The following CCDC88C variants were observed in gnomAD, a reference collection of about 807,000 sequenced individuals.
CCDC88C encodes coiled-coil and HOOK domain protein 88C, also known as protein Daple.
In CCDC88C, 131 loss-of-function variants were observed where a neutral mutation model predicts 198.8. That is an observed-to-expected ratio of 0.66 (90% confidence interval 0.57 to 0.76). The LOEUF (loss-of-function observed/expected upper bound fraction) is 0.76, where lower values mean the gene tolerates loss of function less well. Ranked by LOEUF, CCDC88C falls within the 30% of genes least tolerant of loss-of-function variation. The pLI, the probability that CCDC88C is intolerant of heterozygous loss-of-function variation, is 0.00. For synonymous variants in CCDC88C, 1,166 were observed against 1,114.7 expected, an observed-to-expected ratio of 1.05 and a Z score of -0.92; for missense variants, 2,553 against 2,631.6, an observed-to-expected ratio of 0.97 and a Z score of 0.65.
intron 3 of CCDC88C, among the ~76,000 whole-genome samples, chr14:91,366,153 TACACACACACACACACACAC>T (rs57281083): frequency 0.028 from 3,779 of 136,454 alleles, 175 homozygotes; most frequent in African/African-American, 0.095. Flanking sequence ...ACTTAAAAAA[TACACACACACACACACACAC>T]ACACACACAC....
intron 20 of CCDC88C, among the ~76,000 whole-genome samples, chr14:91,302,449 A>T (rs1266761640): frequency 6.6e-6 from 1 of 152,142 alleles, no homozygotes; most frequent in Non-Finnish European, 1.5e-5. Context: ...TACCTCTCCT[A>T]GCCCTCCCTG....
At chr14:91,323,540 ACGATGC>A (rs1892445220) in intron 12 of CCDC88C, among the ~76,000 whole-genome samples, 1 of 152,210 alleles carries the variant, frequency 6.6e-6, no homozygotes, top group Admixed American at 6.5e-5. Context: ...CTTTGCTTGC[ACGATGC>A]CATCATTCTA....
At chr14:91,320,050 A>AG (rs1892292722) in intron 13 of CCDC88C, among the ~76,000 whole-genome samples, 1 of 151,392 alleles carries the variant, frequency 6.6e-6, no homozygotes, top group African/African-American at 2.4e-5. Context: ...AAAAAAAAAA[A>AG]AAGAAATGTG....
At chr14:91,374,277 T>C (rs1894973938) in intron 3 of CCDC88C, among the ~76,000 whole-genome samples, 1 of 152,260 alleles carries the variant, frequency 6.6e-6, no homozygotes, top group Non-Finnish European at 1.5e-5. Flanking sequence ...CTGTGTCTAT[T>C]ACCTCTCATC....
intron 4 of CCDC88C, among the ~76,000 whole-genome samples, chr14:91,346,117 C>T (rs1048403793): frequency 1.3e-5 from 2 of 152,226 alleles, no homozygotes; most frequent in Non-Finnish European, 2.9e-5. Flanking sequence ...ACCAATGCTG[C>T]GGTTCATTTC....
intron 4 of CCDC88C, among the ~76,000 whole-genome samples, chr14:91,354,003 T>A (rs1304487079): frequency 6.6e-6 from 1 of 152,150 alleles, no homozygotes; most frequent in Non-Finnish European, 1.5e-5. Flanking sequence ...AAAGTAACCA[T>A]CTGTGCAATT....
At chr14:91,306,919 T>C (rs1282587846) in intron 18 of CCDC88C, 119 bp downstream of exon 18, 4 of 1,127,460 alleles carry the variant, frequency 3.5e-6, no homozygotes, top group Non-Finnish European at 4.9e-6. Flanking sequence ...CGTGTCCAAC[T>C]AGATCTGGCT....
At chr14:91,410,187 A>G (rs1596173710) in intron 2 of CCDC88C, among the ~76,000 whole-genome samples, 1 of 152,354 alleles carries the variant, frequency 6.6e-6, no homozygotes, top group East Asian at 1.9e-4. Context: ...AGCACTCAGC[A>G]TTACTGAGTT....
intron 3 of CCDC88C, among the ~76,000 whole-genome samples, chr14:91,378,344 A>C (rs977624802): frequency 6.6e-6 from 1 of 152,206 alleles, no homozygotes; most frequent in Non-Finnish European, 1.5e-5. Context: ...ACGCCAGGCC[A>C]TCACAGCCTC....
Position 91,294,256 on chromosome 14 carries a change from C to A in CCDC88C, c.4029G>T (p.Gln1343His), listed in dbSNP as rs1210402671. The part of the protein sequence containing the change: ...EENHHLLSQI[Q>H]LLSQQNQMLL... ...GCATCTGGTTCTGCTGGCTCAACAG[C>A]TGGATCTGGCTCAGGAGGTGATGAT... Residue 1343 changes from glutamine (Q) to histidine (H), a missense_variant, in exon 23 of 30, where the codon CAG (glutamine) becomes CAT (histidine). Gln to His is a conservative substitution (Grantham distance 24). This residue lies in a region of CCDC88C where 1,293 missense variants were observed against 1,219.6 expected (regional missense o/e 1.06). Transcript: ENST00000389857. The A allele has an allele frequency of 6.2e-7, 1 of 1,614,024 alleles. No homozygotes were observed. Among genetic ancestry groups the A allele is most frequent in the South Asian group, 1.1e-5 (1 of 91,088 alleles).
At chr14:91,304,859 T>C (rs1347984411) in intron 19 of CCDC88C, among the ~76,000 whole-genome samples, 1 of 152,254 alleles carries the variant, frequency 6.6e-6, no homozygotes, top group East Asian at 1.9e-4. Context: ...ATTTTCTTGT[T>C]ACCAGAACAA....
chr14:91,416,043 A>G (rs1887029192), intron 2 of CCDC88C, among the ~76,000 whole-genome samples: 1 of 152,248 alleles, frequency 6.6e-6, no homozygotes, highest in South Asian at 2.1e-4. Context: ...ATGCAAAGGT[A>G]GAAGCCAACA....
chr14:91,339,480 G>A lies in CCDC88C; in HGVS notation c.625-18C>T, dbSNP rs560311817. The A allele has an allele frequency of 4.0e-5, 63 of 1,594,284 alleles. No homozygotes were observed. The highest frequency in any genetic ancestry group is 3.8e-4 in the East Asian group (17 of 44,344). ...ACGATCAGCTGCAGCCGGGCAGAGA[G>A]GGGGATGGAGGAGAACAAACGGGGT... On this transcript the variant is annotated intron_variant, in intron 7 of 29. Transcript: ENST00000389857. This position sits in a 1 kb window ranked among gnomAD's most constrained non-coding sequence, Gnocchi z 5.8.
chr14:91,349,554 A>G (rs1283882561), intron 4 of CCDC88C, among the ~76,000 whole-genome samples: 2 of 152,236 alleles, frequency 1.3e-5, no homozygotes, highest in African/African-American at 4.8e-5. Context: ...ATCGAGAAAC[A>G]TCAGACCGGA....
Position 91,392,572 on chromosome 14 carries a change from C to T in CCDC88C, c.270+16087G>A, listed in dbSNP as rs1293580510. Among the ~76,000 whole-genome samples the T allele has an allele frequency of 3.9e-5, 6 of 152,214 alleles. No homozygotes were observed. The South Asian group carries it at 8.3e-4, about 21-fold the overall frequency. Reference sequence around the variant, plus strand: ...AATCAATTTACCTCATCTTTTAAACCCAGAGCCGATAATAACCCAGGGTTT... The same window carrying T: ...AATCAATTTACCTCATCTTTTAAACTCAGAGCCGATAATAACCCAGGGTTT... On this transcript the variant is annotated intron_variant, in intron 3 of 29. Transcript: ENST00000389857.
At chr14:91,277,123 C>T (rs1439762757) in intron 29 of CCDC88C, among the ~76,000 whole-genome samples, 1 of 152,210 alleles carries the variant, frequency 6.6e-6, no homozygotes, top group Non-Finnish European at 1.5e-5. Context: ...GCACCTGCCA[C>T]AAGGCCCGGC....
At chr14:91,350,831 A>G (rs905467933) in intron 4 of CCDC88C, among the ~76,000 whole-genome samples, 5 of 152,160 alleles carry the variant, frequency 3.3e-5, no homozygotes, top group African/African-American at 1.2e-4. Flanking sequence ...CCATTACTGC[A>G]CCTTAATATA....
intron 3 of CCDC88C, chr14:91,379,683 T>C (rs999398612): frequency 8.2e-6 from 5 of 606,640 alleles, no homozygotes; most frequent in Non-Finnish European, 1.5e-5. Flanking sequence ...CCATTCTCCT[T>C]GCTGGCTGTC....
chr14:91,325,025 A>C lies in CCDC88C; in HGVS notation c.1198-102T>G. On this transcript the variant is annotated intron_variant, in intron 11 of 29. Transcript: ENST00000389857. This position sits in a 1 kb window ranked among gnomAD's most constrained non-coding sequence, Gnocchi z 4.1. The stretch of plus-strand genomic sequence containing the variant: ...AGCTACCGTCATGTGCTGTGGATGA[A>C]GATGTACTGGCTCACTTCCAAATAA... 7.1e-7 allele frequency: 1 copy of C among 1,415,078 alleles called. No individual in the cohort carries two copies. Among genetic ancestry groups the C allele is most frequent in the Non-Finnish European group, 9.8e-7 (1 of 1,022,952 alleles). 87.7% of individuals were successfully genotyped at this position (1,415,078 alleles called of 1,614,324 possible).
Sources: allele counts gnomAD v4.1 joint callset (sites outside exome capture counted in the v4.1 genomes callset), GRCh38; gene constraint gnomAD v4.1.1; regional missense constraint gnomAD v4.1.1; non-coding constraint Gnocchi (gnomAD v3.1); transcripts MANE v1.5; gene names NCBI Gene and HGNC (gene_info 2026-07-23, HGNC 2026-07-21).